Variants in STK32B observed in about 807,000 individuals in gnomAD.
The protein encoded by STK32B is serine/threonine kinase 32B.
Under a neutral mutation model 52.6 loss-of-function variants are expected in STK32B, and 43 were observed. The observed-to-expected ratio is 0.82, with a 90% CI of 0.64 to 1.05. The LOEUF (loss-of-function observed/expected upper bound fraction) is 1.05. Among genes scored for constraint, STK32B ranks in the 50% least tolerant of loss-of-function variants. STK32B has a pLI of 0.00. For synonymous variants in STK32B, 238 were observed against 204.3 expected, an observed-to-expected ratio of 1.17 and a Z score of -1.41; for missense variants, 621 against 534.6, an observed-to-expected ratio of 1.16 and a Z score of -1.59.
At chr4:5,147,433 T>G (rs1716998638) in intron 2 of STK32B, among the ~76,000 whole-genome samples, 1 of 152,124 alleles carries the variant, frequency 6.6e-6, no homozygotes. Flanking sequence ...AAATCTTTAT[T>G]GCAGTAGCTA....
chr4:5,450,507 A>G (rs1715887780), intron 7 of STK32B, among the ~76,000 whole-genome samples: 1 of 152,174 alleles, frequency 6.6e-6, no homozygotes, highest in African/African-American at 2.4e-5. Context: ...TGTAATGGCT[A>G]GAAATTATTT....
chr4:5,264,753 C>T (rs918178717), intron 3 of STK32B, among the ~76,000 whole-genome samples: 2 of 151,980 alleles, frequency 1.3e-5, no homozygotes, highest in Non-Finnish European at 2.9e-5. Context: ...CGCCACTGCA[C>T]TCCAGCCTGG....
At chr4:5,173,872 T>C (rs959990147) in intron 3 of STK32B, among the ~76,000 whole-genome samples, 33 of 152,318 alleles carry the variant, frequency 2.2e-4, no homozygotes, top group African/African-American at 7.7e-4. Context: ...TAACTTTTTG[T>C]CTCATTGATC....
intron 4 of STK32B, among the ~76,000 whole-genome samples, chr4:5,350,291 A>T (rs1345427052): frequency 6.6e-6 from 1 of 152,174 alleles, no homozygotes; most frequent in South Asian, 2.1e-4. Context: ...TAAAACTGCA[A>T]GTCAAGGATG....
At chr4:5,316,280 A>C (rs1180685105) in intron 3 of STK32B, among the ~76,000 whole-genome samples, 1 of 70,022 alleles carries the variant, frequency 1.4e-5, no homozygotes, top group East Asian at 3.7e-4. Flanking sequence ...TATATAATAT[A>C]TTATATACAA....
rs1393815736 is a variant in STK32B at position 5,500,425 on chromosome 4, C to T, written c.*1342C>T. ...TATTTAGATACTTTCTTCCTTCACT[C>T]ACCCAGCAGGTCAGTTTTCTGTGCA... On this transcript the variant is annotated 3_prime_UTR_variant, in exon 12 of 12. Coordinates refer to ENST00000282908, the MANE Select transcript of STK32B (RefSeq NM_018401.3). 2.0e-5 allele frequency: 3 copies of T among 152,170 alleles called. No homozygotes were observed. The highest frequency in any genetic ancestry group is 4.4e-5 in the Non-Finnish European group (3 of 68,030). The allele number at this position is 152,170 out of a possible 1,614,324, so 9.4% of individuals were successfully genotyped here.
intron 3 of STK32B, among the ~76,000 whole-genome samples, chr4:5,241,077 CAT>C (rs1385490829): frequency 3.3e-5 from 5 of 152,074 alleles, no homozygotes; most frequent in African/African-American, 1.2e-4. Context: ...AAAATTATAT[CAT>C]AGTTTTTTTC....
At chr4:5,239,963 A>G (rs2108815832) in intron 3 of STK32B, among the ~76,000 whole-genome samples, 1 of 152,104 alleles carries the variant, frequency 6.6e-6, no homozygotes, top group Non-Finnish European at 1.5e-5. Flanking sequence ...TCACCTGGCC[A>G]ATCATACAAG....
rs78248417 is a variant in STK32B, at chr4:5,266,249, G to A, written c.261-64971G>A. 5.8e-3 allele frequency among the ~76,000 whole-genome samples: 886 copies of A among 152,248 alleles called. 6 individuals carry two copies. The highest frequency in any genetic ancestry group is 0.02 in the African/African-American group (815 of 41,528). ...TTTGGATTTTGACAAACAGTATTCC[G>A]AACTGGCTCACAGTCTGTCCCTAGA... On this transcript the variant is annotated intron_variant, in intron 3 of 11. Transcript: ENST00000282908.
At chr4:5,092,406 C>T (rs1299525366) in intron 1 of STK32B, among the ~76,000 whole-genome samples, 2 of 152,124 alleles carry the variant, frequency 1.3e-5, no homozygotes, top group African/African-American at 4.8e-5. Flanking sequence ...GTGGTGGGCA[C>T]CTGTAGTCCC....
the STK32B span, among the ~76,000 whole-genome samples, chr4:5,042,829 G>A: frequency 2.0e-5 from 3 of 152,226 alleles, no homozygotes; most frequent in South Asian, 2.1e-4. Context: ...AGCAGGGGCC[G>A]GGCGCGGTGG....
intron 4 of STK32B, among the ~76,000 whole-genome samples, chr4:5,358,374 A>G (rs978998749): frequency 2.6e-5 from 4 of 152,238 alleles, no homozygotes; most frequent in African/African-American, 9.6e-5. Flanking sequence ...TGAATGTGGC[A>G]TCAGTAAATC....
At chr4:5,254,032 G>A (rs147378956) in intron 3 of STK32B, among the ~76,000 whole-genome samples, 5,975 of 151,954 alleles carry the variant, frequency 0.039, 370 homozygotes, top group African/African-American at 0.13. Flanking sequence ...TGATCCACCC[G>A]CCTCAGCCTC....
chr4:5,187,321 G>C (rs957853881), intron 3 of STK32B, among the ~76,000 whole-genome samples: 2 of 152,180 alleles, frequency 1.3e-5, no homozygotes, highest in Non-Finnish European at 2.9e-5. Flanking sequence ...TGGGGAATTA[G>C]TAAATTTATC....
At chr4:5,403,930 C>T (rs898156208) in intron 5 of STK32B, among the ~76,000 whole-genome samples, 2 of 151,910 alleles carry the variant, frequency 1.3e-5, no homozygotes, top group African/African-American at 4.8e-5. Context: ...CATATGGGTC[C>T]CAAGACTGTA....
intron 3 of STK32B, among the ~76,000 whole-genome samples, chr4:5,310,673 A>G (rs1160347500): frequency 1.3e-5 from 2 of 152,186 alleles, no homozygotes; most frequent in East Asian, 1.9e-4. Flanking sequence ...ATACTACCCA[A>G]CAATCCCACT....
At chr4:5,413,177 A>C (rs962821759) in intron 5 of STK32B, among the ~76,000 whole-genome samples, 3 of 152,132 alleles carry the variant, frequency 2.0e-5, no homozygotes, top group African/African-American at 7.2e-5. Flanking sequence ...CCCTATTAAT[A>C]TTATCCCCTT....
At chr4:5,302,827 C>T (rs115736738) in intron 3 of STK32B, among the ~76,000 whole-genome samples, 1,818 of 151,916 alleles carry the variant, frequency 0.012, 36 homozygotes, top group African/African-American at 0.042. Flanking sequence ...TAGCTTAGCT[C>T]CCACTAATGA....
chr4:5,427,621 G>A lies in STK32B; in HGVS notation c.562+10687G>A, dbSNP rs142124537. On this transcript the variant is annotated intron_variant, in intron 6 of 11. Transcript: ENST00000282908. ...TCAAGAACTAAGTAAATTTAAATAA[G>A]ATTTGGTAGTTTATGTCTTTCAAGG... Among the ~76,000 whole-genome samples, 188 of 152,242 alleles carry A rather than the reference G, an allele frequency of 1.2e-3. 1 individual carries two copies. The highest frequency in any genetic ancestry group is 4.3e-3 in the African/African-American group (177 of 41,544).
Sources: allele counts gnomAD v4.1 joint callset (sites outside exome capture counted in the v4.1 genomes callset), GRCh38; gene constraint gnomAD v4.1.1; transcripts MANE v1.5; gene names NCBI Gene and HGNC (gene_info 2026-07-23, HGNC 2026-07-21).